The following SLF2 variants were observed in gnomAD, a reference collection of about 807,000 sequenced individuals.
SLF2 encodes SMC5/6 complex localization factor 2, also known as SMC5-SMC6 complex localization factor protein 2.
Under a neutral mutation model 124.3 loss-of-function variants are expected in SLF2, and 68 were observed. The observed-to-expected ratio is 0.55, with a 90% CI of 0.45 to 0.67. The LOEUF (loss-of-function observed/expected upper bound fraction) is 0.67, where lower values mean the gene tolerates loss of function less well. Among genes scored for constraint, SLF2 ranks in the 30% least tolerant of loss-of-function variants. SLF2 has a pLI of 0.00. For synonymous variants in SLF2, 480 were observed against 478.8 expected (o/e 1.00, Z -0.03); for missense variants, 1,246 against 1,373.7 (o/e 0.91, Z 1.47).
At chr10:100,960,962 A>T (rs1323121576) in intron 19 of SLF2, among the ~76,000 whole-genome samples, 1 of 140,232 alleles carries the variant, frequency 7.1e-6, no homozygotes, top group Non-Finnish European at 1.5e-5. Flanking sequence ...ATTCTGACTC[A>T]TAGGTCTGGA....
chr10:100,938,762 C>T (rs1234069394), intron 11 of SLF2, 26 bp downstream of exon 11: 6 of 1,561,870 alleles, frequency 3.8e-6, no homozygotes, highest in Non-Finnish European at 4.3e-6. Flanking sequence ...ATAATTAACG[C>T]CAAAAATATC....
At chr10:100,944,485 ACT>A (rs1233121275) in intron 12 of SLF2, among the ~76,000 whole-genome samples, 2 of 115,502 alleles carry the variant, frequency 1.7e-5, no homozygotes, top group Non-Finnish European at 1.7e-5. Flanking sequence ...ACAGAGCAAG[ACT>A]CTGTCTCAAA....
intron 16 of SLF2, 44 bp from the exon 17 acceptor site, chr10:100,950,632 G>C: frequency 6.7e-7 from 1 of 1,503,266 alleles, no homozygotes; most frequent in Non-Finnish European, 9.2e-7. Context: ...TGACATCTAT[G>C]CTAGCTAATT....
At chr10:100,950,868 C>T in intron 17 of SLF2, 115 bp downstream of exon 17, 3 of 785,626 alleles carry the variant, frequency 3.8e-6, no homozygotes, top group Non-Finnish European at 6.2e-6. Context: ...AATATAAAAG[C>T]TAATTGATTT....
chr10:100,943,937 C>G, intron 11 of SLF2, 89 bp from the exon 12 acceptor site: 1 of 761,652 alleles, frequency 1.3e-6, no homozygotes. Flanking sequence ...CTCGATAAAA[C>G]ATAGTTTTTA....
chr10:100,959,366 A>T lies in SLF2; in HGVS notation c.3418-62A>T. 10 of 1,489,444 alleles carry T rather than the reference A, an allele frequency of 6.7e-6. No homozygotes were observed. The South Asian group carries it at 1.2e-4, about 18-fold the overall frequency. The allele number at this position is 1,489,444 out of a possible 1,614,324, so 92.3% of individuals were successfully genotyped here. A position where few individuals can be genotyped will look rare whatever the true frequency, so the allele number is the denominator to read the frequency against. The stretch of plus-strand genomic sequence containing the variant: ...GCTGTCAGATATTTTGTGTAGTGTT[A>T]AGCTGATTGTAGGTGAGAATGTTTT... On this transcript the variant is annotated intron_variant, in intron 18 of 19. Transcript: ENST00000238961.
rs748393203 is a variant in SLF2 at position 100,947,830 on chromosome 10, A to C, written c.3103A>C (p.Asn1035His). The C allele has an allele frequency of 3.1e-5, 50 of 1,610,570 alleles. No homozygotes were observed. Among genetic ancestry groups the C allele is most frequent in the Non-Finnish European group, 4.2e-5 (49 of 1,177,774 alleles). The change falls in exon 15 of 20, where the codon AAT becomes CAT. Residue 1035 changes from asparagine to histidine, a missense_variant. Around this residue, in one of 3 missense-constraint regions of SLF2, gnomAD observed 535 missense variants for 632.8 expected, o/e 0.85. Transcript: ENST00000238961. ...GGATGAGAAACACGAAGATGTTCCT[A>C]ATGCCAGTAATCTGCAGGTATAAAT... ...LLDEKHEDVP[N>H]ASNLQVSVLH...
At chr10:100,946,419 C>T (rs1850104510) in intron 13 of SLF2, among the ~76,000 whole-genome samples, 1 of 151,214 alleles carries the variant, frequency 6.6e-6, no homozygotes, top group South Asian at 2.1e-4. Context: ...CTCTGCCTTC[C>T]GGATTCAGGC....
chr10:100,916,677 G>T lies in SLF2; in HGVS notation c.292G>T (p.Glu98Ter). 6.5e-7 allele frequency: 1 copy of T among 1,536,530 alleles called. No individual in the cohort carries two copies. The highest frequency in any genetic ancestry group is 1.3e-5 in the South Asian group (1 of 75,154). ...TGAAAGGAAACTATCCTCACCAAAA[G>T]AATCTAAACCCAAAAGGGTGCCACC... Reference protein sequence around the residue: ...QFERKLSSPKESKPKRVPPEK... With the variant: ...QFERKLSSPK Residue 98 changes from glutamate to a stop codon, truncating the protein, a stop_gained, in exon 3 of 20, where the codon GAA becomes TAA. Transcript: ENST00000238961. LOFTEE classifies it high-confidence loss of function.
At chr10:100,917,595 T>C (rs539986008) in intron 3 of SLF2, among the ~76,000 whole-genome samples, 1 of 152,248 alleles carries the variant, frequency 6.6e-6, no homozygotes, top group East Asian at 1.9e-4. Flanking sequence ...CTTATTTATG[T>C]GTAGACAGTC....
At chr10:100,920,355 G>A (rs1187983265) in intron 4 of SLF2, among the ~76,000 whole-genome samples, 1 of 152,034 alleles carries the variant, frequency 6.6e-6, no homozygotes, top group Non-Finnish European at 1.5e-5. Context: ...TTCATTCATG[G>A]TGGCTAAAGT....
At position 100,916,127 on chromosome 10, in the gene SLF2, T is replaced by C. The variant is rs183907143; in HGVS notation, c.184+85T>C. 3.0e-6 allele frequency: 3 copies of C among 1,011,178 alleles called. No homozygotes were observed. The East Asian group carries it at 7.5e-5, about 25-fold the overall frequency. The allele number at this position is 1,011,178 out of a possible 1,614,324, so 62.6% of individuals were successfully genotyped here. A position where few individuals can be genotyped will look rare whatever the true frequency, so the allele number is the denominator to read the frequency against. On this transcript the variant is annotated intron_variant, in intron 2 of 19. Coordinates refer to ENST00000238961, the MANE Select transcript of SLF2 (RefSeq NM_018121.4). ...TTCAACTTTAAAACCTACTCTAAAC[T>C]GTTTTAGTAAACGTAGTGTTCAAAA...
chr10:100,943,456 A>T (rs1467081943), intron 11 of SLF2, among the ~76,000 whole-genome samples: 1 of 152,244 alleles, frequency 6.6e-6, no homozygotes, highest in East Asian at 1.9e-4. Context: ...TTTTAAAACC[A>T]TATAAAAGTA....
In SLF2 at chr10:100,916,779, C is replaced by T. The variant is rs201389072; in HGVS notation, c.394C>T (p.Arg132Cys). ...TGAAGATCATGGTATACATGAGTCA[C>T]GTCGGCCTTGTCTGTCACTAGCCTC... Reference protein sequence around the residue: ...HHEDHGIHESRRPCLSLASKY... With the variant: ...HHEDHGIHESCRPCLSLASKY... The change falls in exon 3 of 20, where the codon CGT becomes TGT. Residue 132 changes from arginine (R) to cysteine (C), a missense_variant. Physicochemically the swap from Arg to Cys is radical, Grantham distance 180 (BLOSUM62 -3). Transcript: ENST00000238961. 1.2e-5 allele frequency: 20 copies of T among 1,613,356 alleles called. No individual in the cohort carries two copies. Among genetic ancestry groups the T allele is most frequent in the African/African-American group, 8.0e-5 (6 of 74,914 alleles).
rs1244367873 is a variant in SLF2 at position 100,944,010 on chromosome 10, A to G, written c.2655-16A>G. On this transcript the variant is annotated splice_polypyrimidine_tract_variant and intron_variant, in intron 11 of 19. Coordinates refer to ENST00000238961, the MANE Select transcript of SLF2 (RefSeq NM_018121.4). The stretch of plus-strand genomic sequence containing the variant: ...TTTGTGCCTAACTTCACATTGCTTT[A>G]CTCACTTCTCAATAGTTCTGAAACA... 6.4e-7 allele frequency: 1 copy of G among 1,553,032 alleles called. No individual in the cohort carries two copies. The highest frequency in any genetic ancestry group is 1.4e-5 in the African/African-American group (1 of 72,514).
At position 100,913,230 on chromosome 10, in the gene SLF2, A is replaced by C; in HGVS notation, c.120A>C (p.Arg40Ser). Residue 40 changes from arginine (R) to serine (S), a missense_variant, in exon 1 of 20, where the codon AGA (arginine) becomes AGC (serine). Around this residue, in one of 3 missense-constraint regions of SLF2, gnomAD observed 698 missense variants for 708.9 expected, o/e 0.98. Coordinates refer to ENST00000238961, the MANE Select transcript of SLF2 (RefSeq NM_018121.4). ...GSTAHAAAGK[R>S]TESPGDRKQS... is the part of the protein sequence containing the mutation. ...CCGCCCATGCTGCAGCGGGAAAGAG[A>C]ACAGAGAGTCCTGGGGACAGGTACC... is the stretch of plus-strand genomic sequence containing the variant. 1.2e-6 allele frequency: 2 copies of C among 1,609,916 alleles called. No homozygotes were observed. The highest frequency in any genetic ancestry group is 1.7e-6 in the Non-Finnish European group (2 of 1,178,224).
Position 100,913,543 on chromosome 10 carries a change from C to G in SLF2, c.140+293C>G, listed in dbSNP as rs187372082. 4.8e-6 allele frequency: 6 copies of G among 1,238,238 alleles called. No individual in the cohort carries two copies. In the East Asian group the frequency reaches 2.0e-4, roughly 41 times the overall value. The allele number at this position is 1,238,238 out of a possible 1,614,324, so 76.7% of individuals were successfully genotyped here. A position where few individuals can be genotyped will look rare whatever the true frequency, so the allele number is the denominator to read the frequency against. ...TTTTTTCCTTTGCAAGAGTTTGACCCGGGACCCTAACTGCTTAATGCATAT... is the reference window on the plus strand; with the variant it reads ...TTTTTTCCTTTGCAAGAGTTTGACCGGGGACCCTAACTGCTTAATGCATAT... On this transcript the variant is annotated intron_variant, in intron 1 of 19. Coordinates refer to ENST00000238961, the MANE Select transcript of SLF2 (RefSeq NM_018121.4).
rs780273565 is a variant in SLF2, at chr10:100,916,040, A to C, written c.182A>C (p.Gln61Pro). ...IIDFFKPASK[Q>P]DRHMLDSPQK... Reference sequence around the variant, plus strand: ...GATTTCTTCAAACCAGCTTCAAAACAAGGTATGTACACTGTTGATGCATTT... The same window carrying C: ...GATTTCTTCAAACCAGCTTCAAAACCAGGTATGTACACTGTTGATGCATTT... The change falls in exon 2 of 20, where the codon CAA (glutamine) becomes CCA (proline). Residue 61 changes from glutamine (Q) to proline (P), a missense_variant and splice_region_variant. Around this residue, in one of 3 missense-constraint regions of SLF2, gnomAD observed 698 missense variants for 708.9 expected, o/e 0.98. Transcript: ENST00000238961. 5 of 1,612,168 alleles carry C rather than the reference A, an allele frequency of 3.1e-6. No individual in the cohort carries two copies. The highest frequency in any genetic ancestry group is 4.2e-6 in the Non-Finnish European group (5 of 1,178,828).
intron 11 of SLF2, among the ~76,000 whole-genome samples, chr10:100,943,484 T>G (rs1410079567): frequency 6.6e-6 from 1 of 152,236 alleles, no homozygotes; most frequent in Non-Finnish European, 1.5e-5. Context: ...TTCAAAAAAT[T>G]AAAAATGTTA....
Sources: gnomAD v4.1 joint callset for allele counts (sites outside exome capture counted in the v4.1 genomes callset) on GRCh38, gnomAD v4.1.1 for gene constraint, gnomAD v4.1.1 regional missense constraint, MANE v1.5 for transcripts, NCBI Gene and HGNC (gene_info 2026-07-23, HGNC 2026-07-21) for gene names.